Variants in CNTNAP4 observed in about 807,000 individuals in gnomAD.
The protein encoded by CNTNAP4 is contactin-associated protein-like 4.
A neutral mutation model predicts 148.4 loss-of-function variants in CNTNAP4; 98 were observed. The observed-to-expected ratio is 0.66, with a 90% CI of 0.56 to 0.78. The LOEUF is 0.78. Ranked by LOEUF, CNTNAP4 falls within the 30% of genes least tolerant of loss-of-function variation. CNTNAP4 has a pLI of 0.00. For synonymous variants in CNTNAP4, 730 were observed against 565.1 expected (o/e 1.29, Z -4.14); for missense variants, 1,935 against 1,565.6 (o/e 1.24, Z -3.98).
At chr16:76,443,166 AGTT>A (rs1313345396) in intron 4 of CNTNAP4, among the ~76,000 whole-genome samples, 4 of 152,136 alleles carry the variant, frequency 2.6e-5, no homozygotes, top group Non-Finnish European at 2.9e-5. Context: ...ATAAAACCTC[AGTT>A]AATAAGCATA....
intron 3 of CNTNAP4, among the ~76,000 whole-genome samples, chr16:76,374,706 A>C (rs749624749): frequency 5.5e-4 from 83 of 151,086 alleles, no homozygotes; most frequent in African/African-American, 2.0e-3. Flanking sequence ...CATTTAATCC[A>C]TCTAAGTTGA....
At chr16:76,515,812 T>G (rs565593654) in intron 15 of CNTNAP4, among the ~76,000 whole-genome samples, 1 of 151,900 alleles carries the variant, frequency 6.6e-6, no homozygotes, top group African/African-American at 2.4e-5. Context: ...AAAAAAAAAA[T>G]AGTGCCAACA....
chr16:76,473,866 GT>G (rs61263332), intron 10 of CNTNAP4, among the ~76,000 whole-genome samples: 598 of 3,296 alleles, frequency 0.18, 9 homozygotes, highest in Admixed American at 0.12. Flanking sequence ...GTTTTGTTTT[GT>G]TTTGTTTTTT....
intron 3 of CNTNAP4, among the ~76,000 whole-genome samples, chr16:76,411,727 T>C (rs2078801589): frequency 6.6e-6 from 1 of 151,516 alleles, no homozygotes; most frequent in Non-Finnish European, 1.5e-5. Flanking sequence ...TAAATCTTGA[T>C]TGTCTTTGCT....
intron 1 of CNTNAP4, among the ~76,000 whole-genome samples, chr16:76,283,604 A>C (rs986970146): frequency 4.6e-5 from 7 of 152,060 alleles, no homozygotes; most frequent in African/African-American, 1.7e-4. Context: ...TGGGAGCTAA[A>C]TGATGAGAAC....
chr16:76,444,716 G>A (rs572020840), intron 4 of CNTNAP4, among the ~76,000 whole-genome samples: 1 of 152,190 alleles, frequency 6.6e-6, no homozygotes, highest in African/African-American at 2.4e-5. Context: ...CCTACAATGA[G>A]TGTTATATCT....
At chr16:76,541,263 C>A (rs532508011) in intron 21 of CNTNAP4, among the ~76,000 whole-genome samples, 1 of 152,218 alleles carries the variant, frequency 6.6e-6, no homozygotes, top group Admixed American at 6.5e-5. Flanking sequence ...TGCAATGTTG[C>A]CCTTGGCAGC....
chr16:76,364,233 C>CAAAGAAAAAAAAAAAAAAAAAAA (rs2013819890), intron 3 of CNTNAP4, among the ~76,000 whole-genome samples: 1 of 48,180 alleles, frequency 2.1e-5, no homozygotes, highest in Non-Finnish European at 3.6e-5. Flanking sequence ...GATTCCATCT[C>CAAAGAAAAAAAAAAAAAAAAAAA]AAAAAAAAAA....
chr16:76,328,634 A>G (rs1963228403), intron 2 of CNTNAP4, among the ~76,000 whole-genome samples: 2 of 152,092 alleles, frequency 1.3e-5, no homozygotes. Flanking sequence ...CAAATGTACC[A>G]TATGCCTGTA....
chr16:76,382,062 A>C (rs1374550831), intron 3 of CNTNAP4, among the ~76,000 whole-genome samples: 6 of 43,420 alleles, frequency 1.4e-4, no homozygotes, highest in Non-Finnish European at 2.0e-4. Context: ...CTCCGTCTCA[A>C]AAAAAAAAAA....
At chr16:76,423,883 C>T (rs1050100621) in intron 3 of CNTNAP4, among the ~76,000 whole-genome samples, 7 of 151,964 alleles carry the variant, frequency 4.6e-5, no homozygotes, top group African/African-American at 1.7e-4. Flanking sequence ...AATGCTTTTG[C>T]CTGCTGTATG....
rs1007612141 is a variant in CNTNAP4, at chr16:76,383,329, A to G, written c.390+27818A>G. Among the ~76,000 whole-genome samples, 4 of 151,858 alleles carry G rather than the reference A, an allele frequency of 2.6e-5. No homozygotes were observed. In the East Asian group the frequency reaches 7.7e-4, roughly 29 times the overall value. ...CAAGGTAGGAGGTACCTGGAAGTAGACAATGTGTGCTTCGAAAGATTCTTG... is the reference window on the plus strand; with the variant it reads ...CAAGGTAGGAGGTACCTGGAAGTAGGCAATGTGTGCTTCGAAAGATTCTTG... On this transcript the variant is annotated intron_variant, in intron 3 of 23. Transcript: ENST00000611870.
intron 3 of CNTNAP4, among the ~76,000 whole-genome samples, chr16:76,392,394 G>T (rs528608563): frequency 6.6e-6 from 1 of 152,222 alleles, no homozygotes; most frequent in South Asian, 2.1e-4. Context: ...TCATTGGAAA[G>T]CCACAAACCT....
intron 1 of CNTNAP4, among the ~76,000 whole-genome samples, chr16:76,291,587 T>C (rs1959117815): frequency 6.6e-6 from 1 of 152,200 alleles, no homozygotes; most frequent in African/African-American, 2.4e-5. Flanking sequence ...TCATATCCCC[T>C]TCTCAAAAGT....
At chr16:76,354,433 T>C (rs1289766256) in intron 2 of CNTNAP4, among the ~76,000 whole-genome samples, 2 of 152,178 alleles carry the variant, frequency 1.3e-5, no homozygotes, top group African/African-American at 4.8e-5. Flanking sequence ...TTCTGAGTGA[T>C]CAAGCACAGC....
chr16:76,401,006 G>C (rs540389592), intron 3 of CNTNAP4, among the ~76,000 whole-genome samples: 1 of 152,084 alleles, frequency 6.6e-6, no homozygotes, highest in Non-Finnish European at 1.5e-5. Context: ...GATTAGGATT[G>C]CCTCGGCTAT....
intron 15 of CNTNAP4, among the ~76,000 whole-genome samples, chr16:76,514,135 G>A (rs1039102454): frequency 1.4e-4 from 22 of 152,104 alleles, no homozygotes; most frequent in African/African-American, 5.1e-4. Context: ...ATAGAATAAG[G>A]ATGTTACGCT....
chr16:76,488,681 T>C (rs2082110169), intron 12 of CNTNAP4, among the ~76,000 whole-genome samples: 1 of 152,228 alleles, frequency 6.6e-6, no homozygotes, highest in African/African-American at 2.4e-5. Flanking sequence ...AGTAGAGTTC[T>C]GACAACTTTC....
chr16:76,400,486 C>G (rs2078369990), intron 3 of CNTNAP4, among the ~76,000 whole-genome samples: 1 of 152,102 alleles, frequency 6.6e-6, no homozygotes, highest in South Asian at 2.1e-4. Context: ...TTCTTCTATT[C>G]TGTAAGTTGT....
Sources: allele counts gnomAD v4.1 joint callset (sites outside exome capture counted in the v4.1 genomes callset), GRCh38; gene constraint gnomAD v4.1.1; transcripts MANE v1.5; gene names NCBI Gene and HGNC (gene_info 2026-07-23, HGNC 2026-07-21).